The following GRIN2B variants were observed in gnomAD, a reference collection of about 807,000 sequenced individuals.
The protein encoded by GRIN2B is glutamate receptor ionotropic, NMDA 2B.
In GRIN2B, 5 loss-of-function variants were observed where a neutral mutation model predicts 114.5. The ratio of observed to expected loss-of-function variants is 0.04; its 90% CI spans 0.02 to 0.09. The LOEUF is 0.09. GRIN2B is among the 10% of genes least tolerant of loss of function. GRIN2B has a pLI of 1.00. For synonymous variants in GRIN2B, 787 were observed against 745.1 expected (o/e 1.06, Z -0.92); for missense variants, 1,108 against 1,943.5 (o/e 0.57, Z 8.08).
intron 3 of GRIN2B, among the ~76,000 whole-genome samples, chr12:13,763,932 T>C (rs1181289965): frequency 1.3e-5 from 2 of 152,230 alleles, no homozygotes; most frequent in East Asian, 3.8e-4. Context: ...TTATGGCTGC[T>C]GGTTATTAGC....
chr12:13,705,813 G>A (rs2136573919), intron 4 of GRIN2B, among the ~76,000 whole-genome samples: 1 of 152,256 alleles, frequency 6.6e-6, no homozygotes. Context: ...ACCCTTTGAT[G>A]AACAGTGCAA....
chr12:13,722,677 T>TC (rs2136594652), intron 4 of GRIN2B, among the ~76,000 whole-genome samples: 1 of 152,180 alleles, frequency 6.6e-6, no homozygotes. Flanking sequence ...GCGAAGTTAT[T>TC]TTGAAGTGGG....
At chr12:13,684,207 GCTCATAC>G in intron 4 of GRIN2B, among the ~76,000 whole-genome samples, 1 of 152,214 alleles carries the variant, frequency 6.6e-6, no homozygotes, top group South Asian at 2.1e-4. Flanking sequence ...CAAAAGATGT[GCTCATAC>G]CTCCATAATT....
chr12:13,791,807 G>C (rs1864326885), intron 3 of GRIN2B, among the ~76,000 whole-genome samples: 7 of 152,236 alleles, frequency 4.6e-5, no homozygotes, highest in African/African-American at 1.7e-4. Flanking sequence ...TTTAAGCTAA[G>C]AACATTTGAA....
rs934040360 is a variant in GRIN2B, at chr12:13,540,863, C to T, written c.*21920G>A. The stretch of plus-strand genomic sequence containing the variant: ...TCGCAGAGCTGAGGCAAGCCTGAGT[C>T]GTCGGTGCTCCCTGGAGAGGACATC... On this transcript the variant is annotated 3_prime_UTR_variant, in exon 14 of 14. Transcript: ENST00000609686. 3.9e-5 allele frequency: 6 copies of T among 152,192 alleles called. No individual in the cohort carries two copies. Among genetic ancestry groups the T allele is most frequent in the Non-Finnish European group, 5.9e-5 (4 of 68,040 alleles). The allele number at this position is 152,192 out of a possible 1,614,324, so 9.4% of individuals were successfully genotyped here. A position where few individuals can be genotyped will look rare whatever the true frequency, so the allele number is the denominator to read the frequency against.
At chr12:13,670,396 C>T (rs1455050209) in intron 5 of GRIN2B, 1 of 152,114 alleles carries the variant, frequency 6.6e-6, no homozygotes, top group Non-Finnish European at 1.5e-5. Context: ...TTAATTCTGA[C>T]CCAGACAGTC....
intron 3 of GRIN2B, among the ~76,000 whole-genome samples, chr12:13,755,614 A>G (rs1316811880): frequency 1.3e-5 from 2 of 152,186 alleles, no homozygotes; most frequent in East Asian, 3.8e-4. Context: ...TTCACAATAG[A>G]ATAATTATAT....
intron 2 of GRIN2B, among the ~76,000 whole-genome samples, chr12:13,912,914 C>T (rs1020404437): frequency 1.3e-5 from 2 of 152,046 alleles, no homozygotes; most frequent in Admixed American, 6.6e-5. Flanking sequence ...GCTTAGAAAA[C>T]GAAGTAGGCA....
chr12:13,551,519 T>A lies in GRIN2B; in HGVS notation c.*11264A>T, dbSNP rs1197287485. ...CTGTCAAACCTTGAGGGATCAATGA[T>A]CCACAAGCCAGGTAGAGCAAAGAGA... On this transcript the variant is annotated 3_prime_UTR_variant, in exon 14 of 14. Transcript: ENST00000609686. 3 of 152,176 alleles carry A rather than the reference T, an allele frequency of 2.0e-5. No homozygotes were observed. The highest frequency in any genetic ancestry group is 1.3e-4 in the Admixed American group (2 of 15,278). The allele number at this position is 152,176 out of a possible 1,614,324, so 9.4% of individuals were successfully genotyped here. A position where few individuals can be genotyped will look rare whatever the true frequency, so the allele number is the denominator to read the frequency against.
At chr12:13,978,410 G>T (rs777849198) in intron 2 of GRIN2B, among the ~76,000 whole-genome samples, 6 of 152,122 alleles carry the variant, frequency 3.9e-5, no homozygotes, top group Non-Finnish European at 7.3e-5. Context: ...TAGCATTTCA[G>T]CAGTAAAACT....
intron 4 of GRIN2B, among the ~76,000 whole-genome samples, chr12:13,724,199 C>G (rs1484226317): frequency 6.6e-6 from 1 of 152,162 alleles, no homozygotes; most frequent in African/African-American, 2.4e-5. Flanking sequence ...GTAGTCCCTA[C>G]AGGCCAATAA....
At chr12:13,971,715 C>G (rs1862920341) in intron 2 of GRIN2B, among the ~76,000 whole-genome samples, 1 of 152,190 alleles carries the variant, frequency 6.6e-6, no homozygotes, top group South Asian at 2.1e-4. Flanking sequence ...ATGGGGCACC[C>G]TCAATAAAGA....
At chr12:13,605,583 A>ACACACACC (rs1949236065) in intron 10 of GRIN2B, among the ~76,000 whole-genome samples, 1 of 147,108 alleles carries the variant, frequency 6.8e-6, no homozygotes, top group Non-Finnish European at 1.5e-5. Context: ...ACACACACAC[A>ACACACACC]CCTGTCTTCA....
At chr12:13,683,565 G>T in intron 4 of GRIN2B, 1 of 155,396 alleles carries the variant, frequency 6.4e-6, no homozygotes. Context: ...ATCTGGCTGC[G>T]GCATCTGTCA....
At chr12:13,774,618 G>A (rs1166129647) in intron 3 of GRIN2B, among the ~76,000 whole-genome samples, 2 of 152,174 alleles carry the variant, frequency 1.3e-5, no homozygotes, top group Non-Finnish European at 2.9e-5. Flanking sequence ...TTTAAATGGT[G>A]CCATAACATG....
At chr12:13,856,499 G>T (rs952294682) in intron 3 of GRIN2B, among the ~76,000 whole-genome samples, 5 of 152,118 alleles carry the variant, frequency 3.3e-5, no homozygotes, top group Non-Finnish European at 7.4e-5. Flanking sequence ...GGACAAATTG[G>T]AGCTACCTAC....
intron 4 of GRIN2B, among the ~76,000 whole-genome samples, chr12:13,727,180 T>A (rs1464485243): frequency 6.6e-6 from 1 of 152,184 alleles, no homozygotes; most frequent in Non-Finnish European, 1.5e-5. Context: ...CCCTTCATTT[T>A]ATAAATAAGG....
chr12:13,593,054 A>C (rs960353533), intron 10 of GRIN2B, among the ~76,000 whole-genome samples: 3 of 152,200 alleles, frequency 2.0e-5, no homozygotes, highest in Admixed American at 6.5e-5. Flanking sequence ...CTGAACCACT[A>C]ATTTTTCAGA....
At chr12:13,679,473 G>A (rs1435962176) in intron 4 of GRIN2B, among the ~76,000 whole-genome samples, 1 of 152,044 alleles carries the variant, frequency 6.6e-6, no homozygotes, top group Non-Finnish European at 1.5e-5. Flanking sequence ...TCTTTCTGGG[G>A]TGCTCCTCCT....
Sources: gnomAD v4.1 joint callset for allele counts (sites outside exome capture counted in the v4.1 genomes callset) on GRCh38, gnomAD v4.1.1 for gene constraint, MANE v1.5 for transcripts, NCBI Gene and HGNC (gene_info 2026-07-23, HGNC 2026-07-21) for gene names.